TLN2: variants seen among roughly 807,000 people sequenced by gnomAD.
TLN2 encodes the protein talin-2.
A neutral mutation model predicts 294.7 loss-of-function variants in TLN2; 118 were observed. The ratio of observed to expected loss-of-function variants is 0.40; its 90% CI spans 0.34 to 0.47. The LOEUF is 0.47. Among genes scored for constraint, TLN2 ranks in the 20% least tolerant of loss-of-function variants. The pLI, the probability that TLN2 is intolerant of heterozygous loss-of-function variation, is 0.84. For synonymous variants in TLN2, 1,431 were observed against 1,304.5 expected, an observed-to-expected ratio of 1.10 and a Z score of -2.09; for missense variants, 3,083 against 3,282.2, an observed-to-expected ratio of 0.94 and a Z score of 1.48.
chr15:62,549,371 G>A (rs2042163112), intron 1 of TLN2, among the ~76,000 whole-genome samples: 1 of 152,132 alleles, frequency 6.6e-6, no homozygotes, highest in South Asian at 2.1e-4. Flanking sequence ...CTGTACCCAA[G>A]CAGTCCTTCC....
chr15:62,680,896 A>T (rs938827539), intron 11 of TLN2, among the ~76,000 whole-genome samples: 1 of 152,184 alleles, frequency 6.6e-6, no homozygotes, highest in African/African-American at 2.4e-5. Flanking sequence ...AAGTTGTTGC[A>T]AAGGACATTA....
chr15:62,643,404 GATTTTTTTTTT>G (rs1395071124), intron 3 of TLN2, among the ~76,000 whole-genome samples: 1 of 94,940 alleles, frequency 1.1e-5, no homozygotes, highest in Non-Finnish European at 1.9e-5. Flanking sequence ...TTGGTTCCAG[GATTTTTTTTTT>G]TTTTTTTTTT....
chr15:62,522,631 A>G lies in TLN2; in HGVS notation c.-237-67056A>G, dbSNP rs118025877. On this transcript the variant is annotated intron_variant, in intron 1 of 58. Transcript: ENST00000636159. ...CCTTGTTGTTGTTTTTTTAAAAAGC[A>G]AATTTCTGACTTGTTAACCCCCGAG... is the stretch of plus-strand genomic sequence containing the variant. 2.8e-4 allele frequency among the ~76,000 whole-genome samples: 43 copies of G among 152,216 alleles called. 1 individual carries two copies. The East Asian group carries it at 6.2e-3, about 22-fold the overall frequency.
intron 1 of TLN2, among the ~76,000 whole-genome samples, chr15:62,475,711 T>G (rs974694518): frequency 6.6e-6 from 1 of 152,230 alleles, no homozygotes; most frequent in Non-Finnish European, 1.5e-5. Context: ...AGTTCTTTCT[T>G]GAACTTTGTT....
chr15:62,696,135 C>T (rs2141079950), intron 14 of TLN2, among the ~76,000 whole-genome samples: 1 of 152,378 alleles, frequency 6.6e-6, no homozygotes, highest in African/African-American at 2.4e-5. Context: ...CACCCCTAGA[C>T]TGCAGTGTTT....
At chr15:62,667,812 T>C (rs537605242) in intron 9 of TLN2, among the ~76,000 whole-genome samples, 1 of 152,182 alleles carries the variant, frequency 6.6e-6, no homozygotes, top group Non-Finnish European at 1.5e-5. Flanking sequence ...GCAGCTTAAA[T>C]TTTACATAAG....
intron 17 of TLN2, 27 bp downstream of exon 17, chr15:62,701,241 A>G: frequency 6.5e-7 from 1 of 1,548,024 alleles, no homozygotes; most frequent in East Asian, 2.2e-5. Context: ...TTTGTGCTGC[A>G]TTGGGGTTTT....
At chr15:62,821,421 T>C (rs1437346091) in intron 54 of TLN2, among the ~76,000 whole-genome samples, 1 of 152,196 alleles carries the variant, frequency 6.6e-6, no homozygotes, top group Non-Finnish European at 1.5e-5. Context: ...ATATTTGGCT[T>C]TTCCCCTCAA....
At chr15:62,569,262 C>T (rs189523460) in intron 1 of TLN2, among the ~76,000 whole-genome samples, 12 of 152,312 alleles carry the variant, frequency 7.9e-5, no homozygotes, top group Non-Finnish European at 1.5e-4. Context: ...AGGTCACATT[C>T]ACAGGTTCCA....
In TLN2 at chr15:62,800,743, A is replaced by G. The variant is rs762747221; in HGVS notation, c.6451A>G (p.Ile2151Val). 5.0e-6 allele frequency: 8 copies of G among 1,613,000 alleles called. No individual in the cohort carries two copies. The highest frequency in any genetic ancestry group is 3.3e-5 in the Admixed American group (2 of 59,872). ...GGGCACCAGGGCGCTTGAGGCCACA[A>G]TTGAATGCATAAAGCAGGAGCTTAC... ...TRGTRALEATIECIKQELTVF... is the reference protein window; with the variant it reads ...TRGTRALEATVECIKQELTVF... The change falls in exon 50 of 59, where the codon ATT (isoleucine) becomes GTT (valine). Residue 2151 changes from isoleucine to valine, a missense_variant. By Grantham distance (29) the Ile-to-Val change is conservative. Coordinates refer to ENST00000636159, the MANE Select transcript of TLN2 (RefSeq NM_015059.3).
intron 1 of TLN2, among the ~76,000 whole-genome samples, chr15:62,557,695 C>T (rs1000288600): frequency 6.6e-6 from 1 of 152,196 alleles, no homozygotes; most frequent in African/African-American, 2.4e-5. Context: ...GCACCCGCCA[C>T]CACACCCGGC....
At chr15:62,548,857 C>T (rs2140546498) in intron 1 of TLN2, among the ~76,000 whole-genome samples, 2 of 152,228 alleles carry the variant, frequency 1.3e-5, no homozygotes, top group South Asian at 4.2e-4. Flanking sequence ...ATAATGTCGA[C>T]TCAAGGATAA....
chr15:62,772,736 C>T (rs536008978), intron 42 of TLN2, among the ~76,000 whole-genome samples: 2 of 151,988 alleles, frequency 1.3e-5, no homozygotes, highest in Admixed American at 6.6e-5. Context: ...GATCTCGGCT[C>T]ACTGCAACCT....
chr15:62,517,992 T>G (rs1248381825), intron 1 of TLN2, among the ~76,000 whole-genome samples: 1 of 152,154 alleles, frequency 6.6e-6, no homozygotes, highest in Admixed American at 6.5e-5. Context: ...AGTAAAGCAC[T>G]GACGTCAGAC....
chr15:62,765,176 G>A (rs545585891), intron 40 of TLN2, among the ~76,000 whole-genome samples: 56 of 152,070 alleles, frequency 3.7e-4, no homozygotes, highest in African/African-American at 1.3e-3. Context: ...TAATAAGACA[G>A]CACTGTTGGA....
intron 1 of TLN2, among the ~76,000 whole-genome samples, chr15:62,493,457 C>A (rs2038853986): frequency 6.6e-6 from 1 of 152,068 alleles, no homozygotes; most frequent in Non-Finnish European, 1.5e-5. Context: ...CCTCCCCTTG[C>A]TGTTGTATCA....
At chr15:62,425,810 G>A (rs1483139732) in intron 1 of TLN2, among the ~76,000 whole-genome samples, 2 of 152,166 alleles carry the variant, frequency 1.3e-5, no homozygotes, top group African/African-American at 4.8e-5. Flanking sequence ...GTGCATTGTT[G>A]CTTTTAGTAA....
At chr15:62,432,155 C>T (rs1006022238) in intron 1 of TLN2, among the ~76,000 whole-genome samples, 13 of 152,038 alleles carry the variant, frequency 8.6e-5, no homozygotes, top group African/African-American at 3.1e-4. Flanking sequence ...ATTAGTGTAT[C>T]TTTATTAGAT....
chr15:62,786,306 A>G (rs956157469), intron 45 of TLN2, among the ~76,000 whole-genome samples: 17 of 152,238 alleles, frequency 1.1e-4, no homozygotes, highest in Admixed American at 1.1e-3. Context: ...GCAGTCCGCT[A>G]TGCAAGGTCA....
Sources: gnomAD v4.1 joint callset for allele counts (sites outside exome capture counted in the v4.1 genomes callset) on GRCh38, gnomAD v4.1.1 for gene constraint, MANE v1.5 for transcripts, NCBI Gene and HGNC (gene_info 2026-07-23, HGNC 2026-07-21) for gene names.